NIPA2: variants seen among roughly 807,000 people sequenced by gnomAD.
NIPA2 encodes magnesium transporter NIPA2.
NIPA2 carries 11 observed loss-of-function variants against 29.7 expected under a neutral mutation model. The observed-to-expected ratio is 0.37, with a 90% CI of 0.23 to 0.61. NIPA2 has a LOEUF of 0.61. NIPA2 is among the 20% of genes least tolerant of loss of function. The pLI, the probability that NIPA2 is intolerant of heterozygous loss-of-function variation, is 0.66. For synonymous variants in NIPA2, 183 were observed against 161.9 expected (o/e 1.13, Z -0.99); for missense variants, 426 against 437.9 (o/e 0.97, Z 0.24).
At chr15:22,844,701 CGAT>C (rs1489242989) in intron 2 of NIPA2, among the ~76,000 whole-genome samples, 1 of 151,992 alleles carries the variant, frequency 6.6e-6, no homozygotes, top group Non-Finnish European at 1.5e-5. Flanking sequence ...CAGCAGTGAG[CGAT>C]GATCGCGCCA....
intron 6 of NIPA2, among the ~76,000 whole-genome samples, chr15:22,859,145 C>A (rs1029430128): frequency 6.6e-6 from 1 of 152,012 alleles, no homozygotes; most frequent in Non-Finnish European, 1.5e-5. Flanking sequence ...CTGCACTCCA[C>A]CCTGGGCTAT....
At chr15:22,854,033 G>A (rs900543795) in intron 5 of NIPA2, among the ~76,000 whole-genome samples, 12 of 151,364 alleles carry the variant, frequency 7.9e-5, no homozygotes, top group African/African-American at 2.9e-4. Flanking sequence ...TCACACGTTG[G>A]CCAGGCTGGT....
chr15:22,859,314 G>A (rs2058447971), intron 6 of NIPA2, among the ~76,000 whole-genome samples: 3 of 130,444 alleles, frequency 2.3e-5, no homozygotes, highest in Admixed American at 8.5e-5. Context: ...TTTTTTTGAG[G>A]CGGAGTCTTG....
chr15:22,854,003 T>G (rs1318220599), intron 5 of NIPA2, among the ~76,000 whole-genome samples: 1 of 151,804 alleles, frequency 6.6e-6, no homozygotes, highest in East Asian at 2.0e-4. Context: ...AATTTTTGTA[T>G]TTTTAGTAGA....
intron 3 of NIPA2, among the ~76,000 whole-genome samples, chr15:22,851,426 G>C (rs2057731544): frequency 6.6e-6 from 1 of 151,932 alleles, no homozygotes; most frequent in Non-Finnish European, 1.5e-5. Flanking sequence ...TATGAAATCA[G>C]TTTAAACTTG....
intron 5 of NIPA2, among the ~76,000 whole-genome samples, chr15:22,854,388 G>A (rs1415835466): frequency 6.6e-6 from 1 of 151,002 alleles, no homozygotes; most frequent in East Asian, 2.0e-4. Flanking sequence ...GCCTCCCAAA[G>A]TGCTGGGATT....
In NIPA2 at chr15:22,842,252, A is replaced by G. The variant is rs1897285808; in HGVS notation, c.-216+2462A>G. 2.0e-5 allele frequency among the ~76,000 whole-genome samples: 3 copies of G among 152,178 alleles called. No individual in the cohort carries two copies. The South Asian group carries it at 6.2e-4, about 31-fold the overall frequency. On this transcript the variant is annotated intron_variant, in intron 2 of 7. Coordinates refer to ENST00000337451, the MANE Select transcript of NIPA2 (RefSeq NM_030922.7). ...GTTCACTGGGAGCCACAGTGAAGGC[A>G]ATACTAGTTAAGTACCAAAGTAACC... is the stretch of plus-strand genomic sequence containing the variant.
Position 22,860,786 on chromosome 15 carries a change from C to G in NIPA2, c.445C>G (p.Pro149Ala), listed in dbSNP as rs769129220. ...TGAAATGTCTCACAAGCTAGGTGAT[C>G]CAGGTAAGAAAAAAGTCTTATTAGT... Reference protein sequence around the residue: ...LNEMSHKLGDPGFVVFATLVV... With the variant: ...LNEMSHKLGDAGFVVFATLVV... Residue 149 changes from proline to alanine, a missense_variant, in exon 7 of 8, where the codon CCA becomes GCA. Coordinates refer to ENST00000337451, the MANE Select transcript of NIPA2 (RefSeq NM_030922.7). 1 of 1,581,956 alleles carries G rather than the reference C, an allele frequency of 6.3e-7. No individual in the cohort carries two copies. Among genetic ancestry groups the G allele is most frequent in the Admixed American group, 2.0e-5 (1 of 49,958 alleles).
chr15:22,862,541 T>A (rs1455208185), intron 7 of NIPA2, among the ~76,000 whole-genome samples: 1 of 152,154 alleles, frequency 6.6e-6, no homozygotes, highest in African/African-American at 2.4e-5. Context: ...TTTTCTGTTT[T>A]TTCTTCCAGC....
intron 3 of NIPA2, among the ~76,000 whole-genome samples, chr15:22,848,690 G>A (rs535537420): frequency 4.9e-4 from 74 of 150,820 alleles, no homozygotes; most frequent in South Asian, 8.4e-4. Flanking sequence ...GCTGGGCATG[G>A]CAGCATGTGC....
At chr15:22,852,929 A>T (rs118184354) in intron 4 of NIPA2, among the ~76,000 whole-genome samples, 1,531 of 152,296 alleles carry the variant, frequency 0.01, 19 homozygotes, top group Non-Finnish European at 0.016. Flanking sequence ...TATGGGGTTC[A>T]GTGGACAGAG....
rs145849776 is a variant in NIPA2 at position 22,846,960 on chromosome 15, A to G, written c.-94+1693A>G. Among the ~76,000 whole-genome samples the G allele has an allele frequency of 6.5e-3, 977 of 149,782 alleles. 10 individuals carry two copies. Among genetic ancestry groups the G allele is most frequent in the African/African-American group, 0.023 (925 of 40,764 alleles). On this transcript the variant is annotated intron_variant, in intron 3 of 7. Coordinates refer to ENST00000337451, the MANE Select transcript of NIPA2 (RefSeq NM_030922.7). ...CTCTTGTTGCCCAGGCTGGAGTGCA[A>G]TGGTGTAATCTTGGCTCACCACAAC...
chr15:22,861,480 A>G (rs1782091663), intron 7 of NIPA2, among the ~76,000 whole-genome samples: 1 of 152,184 alleles, frequency 6.6e-6, no homozygotes, highest in Admixed American at 6.5e-5. Context: ...GTCACTCTAG[A>G]GGAGACAAGA....
intron 3 of NIPA2, among the ~76,000 whole-genome samples, chr15:22,850,138 G>C (rs547716681): frequency 6.6e-6 from 1 of 152,120 alleles, no homozygotes; most frequent in South Asian, 2.1e-4. Flanking sequence ...CATACTTGCA[G>C]TAAGCCTGTT....
intron 7 of NIPA2, among the ~76,000 whole-genome samples, chr15:22,863,232 C>T (rs1378589844): frequency 6.6e-6 from 1 of 151,964 alleles, no homozygotes; most frequent in Admixed American, 6.6e-5. Flanking sequence ...GCATGCGCCA[C>T]TGTGCCTGGC....
Position 22,851,635 on chromosome 15 carries a change from T to A in NIPA2, c.-93-4T>A, listed in dbSNP as rs914197859. ...AAAACCACATTTCATTTTTTATTGT[T>A]TAGGTTTGAAGACTGCTTCATTCTG... On this transcript the variant is annotated splice_region_variant and splice_polypyrimidine_tract_variant and intron_variant, in intron 3 of 7. Coordinates refer to ENST00000337451, the MANE Select transcript of NIPA2 (RefSeq NM_030922.7). 3 of 977,230 alleles carry A rather than the reference T, an allele frequency of 3.1e-6. No individual in the cohort carries two copies. Among genetic ancestry groups the A allele is most frequent in the Admixed American group, 2.7e-5 (1 of 36,420 alleles). The allele number at this position is 977,230 out of a possible 1,614,324, so 60.5% of individuals were successfully genotyped here. A position where few individuals can be genotyped will look rare whatever the true frequency, so the allele number is the denominator to read the frequency against.
chr15:22,848,646 T>A (rs2057463130), intron 3 of NIPA2, among the ~76,000 whole-genome samples: 1 of 151,050 alleles, frequency 6.6e-6, no homozygotes, highest in East Asian at 2.0e-4. Context: ...GCCAACATAG[T>A]GAAACTCCAT....
chr15:22,864,782 G>A (rs1206379323), intron 7 of NIPA2, among the ~76,000 whole-genome samples: 35 of 152,216 alleles, frequency 2.3e-4, no homozygotes, highest in Admixed American at 2.2e-3. Context: ...CACAGCGGAT[G>A]TGTAGGATTC....
intron 2 of NIPA2, among the ~76,000 whole-genome samples, chr15:22,842,066 A>G (rs1238779083): frequency 6.6e-6 from 1 of 152,146 alleles, no homozygotes; most frequent in Non-Finnish European, 1.5e-5. Context: ...TTACCATAAC[A>G]TTTGCCACTT....
Sources: gnomAD v4.1 joint callset for allele counts (sites outside exome capture counted in the v4.1 genomes callset) on GRCh38, gnomAD v4.1.1 for gene constraint, MANE v1.5 for transcripts, NCBI Gene and HGNC (gene_info 2026-07-23, HGNC 2026-07-21) for gene names.